Variants in ATP6V0D1 observed in about 807,000 individuals in gnomAD.
The protein encoded by ATP6V0D1 is ATPase H+ transporting V0 subunit d1.
A neutral mutation model predicts 39.0 loss-of-function variants in ATP6V0D1; 13 were observed. That is an observed-to-expected ratio of 0.33 (90% CI 0.22 to 0.53). ATP6V0D1 has a LOEUF of 0.53. Ranked by LOEUF, ATP6V0D1 falls within the 20% of genes least tolerant of loss-of-function variation. The pLI, the probability that ATP6V0D1 is intolerant of heterozygous loss-of-function variation, is 0.94. For synonymous variants in ATP6V0D1, 191 were observed against 191.2 expected, an observed-to-expected ratio of 1.00 and a Z score of 0.01; for missense variants, 272 against 470.9, an observed-to-expected ratio of 0.58 and a Z score of 3.91.
intron 2 of ATP6V0D1, among the ~76,000 whole-genome samples, chr16:67,445,189 G>T (rs2142302597): frequency 6.6e-6 from 1 of 152,314 alleles, no homozygotes; most frequent in South Asian, 2.1e-4. Context: ...GGAGGAACTG[G>T]CATGGTCAGG....
rs571366736 is a variant in ATP6V0D1 at position 67,474,006 on chromosome 16, G to A, written c.130+6951C>T. Among the ~76,000 whole-genome samples, 28 of 152,184 alleles carry A rather than the reference G, an allele frequency of 1.8e-4. No homozygotes were observed. In the South Asian group the frequency reaches 1.9e-3, roughly 10 times the overall value. On this transcript the variant is annotated intron_variant, in intron 1 of 7. Transcript: ENST00000290949. Reference sequence around the variant, plus strand: ...AAAATAAAGCCCATACCCATTAACCGTCACCCACCACATAACATCCCCTCC... The same window carrying A: ...AAAATAAAGCCCATACCCATTAACCATCACCCACCACATAACATCCCCTCC...
At chr16:67,452,462 T>C in intron 2 of ATP6V0D1, 4 of 1,462,408 alleles carry the variant, frequency 2.7e-6, no homozygotes, top group Non-Finnish European at 3.7e-6. Flanking sequence ...GCAGCAGGCA[T>C]CTAACTCTGT....
intron 1 of ATP6V0D1, among the ~76,000 whole-genome samples, chr16:67,476,730 C>T (rs1416651965): frequency 2.0e-5 from 3 of 152,068 alleles, no homozygotes; most frequent in African/African-American, 7.2e-5. Context: ...GTATTATGTG[C>T]CTCCCAATAG....
intron 1 of ATP6V0D1, among the ~76,000 whole-genome samples, chr16:67,473,682 CCTGG>C (rs949794947): frequency 2.0e-5 from 3 of 152,220 alleles, no homozygotes; most frequent in African/African-American, 7.2e-5. Flanking sequence ...CACCACCATG[CCTGG>C]CTAATTTTTT....
Position 67,444,240 on chromosome 16 carries a change from C to A in ATP6V0D1, c.481+288G>T, listed in dbSNP as rs1442193046. 6.6e-6 allele frequency among the ~76,000 whole-genome samples: 1 copy of A among 152,224 alleles called. No homozygotes were observed. The highest frequency in any genetic ancestry group is 1.9e-4 in the East Asian group (1 of 5,192). Reference sequence around the variant, plus strand: ...CCTCTCTCACTCTTCTCCATGAGCTCAGCCCTCCTCTGCACTCTGGGAGAT... The same window carrying A: ...CCTCTCTCACTCTTCTCCATGAGCTAAGCCCTCCTCTGCACTCTGGGAGAT... On this transcript the variant is annotated intron_variant, in intron 3 of 7. Transcript: ENST00000290949. This position sits in a 1 kb window ranked among gnomAD's most constrained non-coding sequence, Gnocchi z 4.8.
At chr16:67,451,523 G>A (rs1449680540) in intron 2 of ATP6V0D1, among the ~76,000 whole-genome samples, 3 of 152,210 alleles carry the variant, frequency 2.0e-5, no homozygotes, top group Non-Finnish European at 4.4e-5. Context: ...TCCAGGTGGT[G>A]ACATGGGCCT....
Position 67,456,743 on chromosome 16 carries a change from A to C in ATP6V0D1, c.131-3028T>G, listed in dbSNP as rs2041241378. 1 of 152,300 alleles carries C rather than the reference A, an allele frequency of 6.6e-6. No homozygotes were observed. The allele number at this position is 152,300 out of a possible 1,614,324, so 9.4% of individuals were successfully genotyped here. On this transcript the variant is annotated intron_variant, in intron 1 of 7. Coordinates refer to ENST00000290949, the MANE Select transcript of ATP6V0D1 (RefSeq NM_004691.5). This position sits in a 1 kb window ranked among gnomAD's most constrained non-coding sequence, Gnocchi z 4.1. Reference sequence around the variant, plus strand: ...CAGGGTGAGCTCCAGAGAAAAACTCAGTCCTTTGGGTGGTGGCACTCCTGC... The same window carrying C: ...CAGGGTGAGCTCCAGAGAAAAACTCCGTCCTTTGGGTGGTGGCACTCCTGC...
intron 1 of ATP6V0D1, chr16:67,458,969 C>A (rs906438879): frequency 1.2e-6 from 1 of 839,930 alleles, no homozygotes; most frequent in Non-Finnish European, 1.4e-6. Flanking sequence ...CATACCATCA[C>A]CAGAATGAAG....
At chr16:67,479,720 C>T (rs943754103) in intron 1 of ATP6V0D1, among the ~76,000 whole-genome samples, 3 of 152,068 alleles carry the variant, frequency 2.0e-5, no homozygotes, top group Non-Finnish European at 4.4e-5. Context: ...TGGCCATCCT[C>T]CCCCCACCCA....
chr16:67,438,368 G>A lies in ATP6V0D1; in HGVS notation c.*160C>T, dbSNP rs570363596. 23 of 843,780 alleles carry A rather than the reference G, an allele frequency of 2.7e-5. No homozygotes were observed. In the African/African-American group the frequency reaches 3.4e-4, roughly 12 times the overall value. 52.3% of individuals were successfully genotyped at this position (843,780 alleles called of 1,614,324 possible). ...CAGGCCTAAGAACAGTCTCTAAGAG[G>A]GTCAGGAGAACTGGGCAGCCGCTAG... On this transcript the variant is annotated 3_prime_UTR_variant, in exon 8 of 8. Coordinates refer to ENST00000290949, the MANE Select transcript of ATP6V0D1 (RefSeq NM_004691.5).
chr16:67,464,933 C>A (rs1004149406), intron 1 of ATP6V0D1, among the ~76,000 whole-genome samples: 4 of 152,270 alleles, frequency 2.6e-5, no homozygotes, highest in African/African-American at 9.6e-5. Context: ...CACATTCACA[C>A]AGGGGCAATC....
At chr16:67,454,359 T>G (rs1206243307) in intron 1 of ATP6V0D1, among the ~76,000 whole-genome samples, 1 of 152,170 alleles carries the variant, frequency 6.6e-6, no homozygotes, top group African/African-American at 2.4e-5. Context: ...CAGGAAAGAC[T>G]GAGCGTCCCT....
Position 67,438,470 on chromosome 16 carries a change from C to CGT in ATP6V0D1, c.*57_*58insAC. 1 of 1,566,698 alleles carries CGT rather than the reference C, an allele frequency of 6.4e-7. No homozygotes were observed. The highest frequency in any genetic ancestry group is 1.4e-5 in the African/African-American group (1 of 72,412). The stretch of plus-strand genomic sequence containing the variant: ...CCACATACACACACACGCACACACA[C>CGT]GCGCACACACACACACACACACACA... On this transcript the variant is annotated 3_prime_UTR_variant, in exon 8 of 8. Coordinates refer to ENST00000290949, the MANE Select transcript of ATP6V0D1 (RefSeq NM_004691.5).
intron 1 of ATP6V0D1, among the ~76,000 whole-genome samples, chr16:67,477,069 G>T (rs2041421146): frequency 2.3e-4 from 25 of 110,482 alleles, no homozygotes; most frequent in South Asian, 1.6e-3. Flanking sequence ...CACCTATTAA[G>T]TATTTACAAA....
intron 1 of ATP6V0D1, among the ~76,000 whole-genome samples, chr16:67,477,920 C>G (rs545637713): frequency 6.6e-6 from 1 of 152,286 alleles, no homozygotes; most frequent in South Asian, 2.1e-4. Context: ...CCACCCGTCT[C>G]AGCCTCCCAA....
intron 1 of ATP6V0D1, among the ~76,000 whole-genome samples, chr16:67,477,356 T>C (rs981113144): frequency 2.0e-5 from 3 of 152,334 alleles, no homozygotes; most frequent in Middle Eastern, 6.8e-3. Context: ...TCAGGGGAAT[T>C]TGAATACTAA....
At position 67,453,794 on chromosome 16, in the gene ATP6V0D1, C is replaced by A. The variant is rs76356777; in HGVS notation, c.131-79G>T. The A allele has an allele frequency of 1.3e-3, 1,849 of 1,423,522 alleles. 21 individuals are homozygous for A. The African/African-American group carries it at 0.022, about 17-fold the overall frequency. The allele number at this position is 1,423,522 out of a possible 1,614,324, so 88.2% of individuals were successfully genotyped here. On this transcript the variant is annotated intron_variant, in intron 1 of 7. Coordinates refer to ENST00000290949, the MANE Select transcript of ATP6V0D1 (RefSeq NM_004691.5). The surrounding 1 kb of genome is among the most constrained non-coding windows in gnomAD (Gnocchi z 4.1). ...TCCCAAGTCCCCATCCCCACCCCAA[C>A]TCAGCCCCAGCTCTCCCCTGCAGTT...
At chr16:67,466,523 C>G (rs562771593) in intron 1 of ATP6V0D1, among the ~76,000 whole-genome samples, 141 of 146,694 alleles carry the variant, frequency 9.6e-4, no homozygotes, top group African/African-American at 3.4e-3. Context: ...GAATAAAACT[C>G]TGTCTCAAAA....
intron 2 of ATP6V0D1, among the ~76,000 whole-genome samples, chr16:67,450,548 G>A (rs1453977741): frequency 6.6e-6 from 1 of 152,130 alleles, no homozygotes; most frequent in Admixed American, 6.5e-5. Flanking sequence ...GGGGGCTGGG[G>A]GGTGGACACC....
Sources: gnomAD v4.1 joint callset for allele counts (sites outside exome capture counted in the v4.1 genomes callset) on GRCh38, gnomAD v4.1.1 for gene constraint, Gnocchi (gnomAD v3.1) non-coding constraint, MANE v1.5 for transcripts, NCBI Gene and HGNC (gene_info 2026-07-23, HGNC 2026-07-21) for gene names.